Variants in SMG1 observed in about 807,000 individuals in gnomAD.
SMG1 encodes the protein serine/threonine-protein kinase SMG1.
In SMG1, 22 loss-of-function variants were observed where a neutral mutation model predicts 419.9. The observed-to-expected ratio is 0.05, with a 90% CI of 0.04 to 0.07. The LOEUF is 0.07. Among genes scored for constraint, SMG1 ranks in the 10% least tolerant of loss-of-function variants. SMG1 has a pLI of 1.00. For synonymous variants in SMG1, 1,538 were observed against 1,553.5 expected (o/e 0.99, Z 0.23); for missense variants, 3,185 against 4,342.0 (o/e 0.73, Z 7.49).
chr16:18,926,181 AG>A lies in SMG1; in HGVS notation c.-141del. 1 of 719,838 alleles carries A rather than the reference AG, an allele frequency of 1.4e-6. No homozygotes were observed. The highest frequency in any genetic ancestry group is 2.2e-6 in the Non-Finnish European group (1 of 462,694). 44.6% of individuals were successfully genotyped at this position (719,838 alleles called of 1,614,324 possible). A position where few individuals can be genotyped will look rare whatever the true frequency, so the allele number is the denominator to read the frequency against. ...AAGGAGGAGGAGGAGGAGGAGGAGGAGAAGGAGGAGGCGGCGGAGGGCGGGG... is the reference window on the plus strand; with the variant it reads ...AAGGAGGAGGAGGAGGAGGAGGAGGAAAGGAGGAGGCGGCGGAGGGCGGGG... On this transcript the variant is annotated 5_prime_UTR_variant, in exon 1 of 63. Transcript: ENST00000446231.
intron 36 of SMG1, 139 bp from the exon 37 acceptor site, chr16:18,848,172 A>G (rs2141358950): frequency 1.5e-6 from 1 of 681,210 alleles, no homozygotes; most frequent in Non-Finnish European, 2.5e-6. Flanking sequence ...AGAACTGATT[A>G]AAGATTGTGG....
intron 57 of SMG1, 85 bp from the exon 58 acceptor site, chr16:18,816,614 G>C: frequency 8.8e-7 from 1 of 1,134,056 alleles, no homozygotes; most frequent in South Asian, 1.5e-5. Context: ...AAAGATATTA[G>C]TAACTCAAGC....
chr16:18,830,238 A>C lies in SMG1; in HGVS notation c.8924T>G (p.Phe2975Cys). The C allele has an allele frequency of 6.2e-7, 1 of 1,613,960 alleles. No homozygotes were observed. The highest frequency in any genetic ancestry group is 8.5e-7 in the Non-Finnish European group (1 of 1,179,858). The change falls in exon 52 of 63, where the codon TTC becomes TGC. Residue 2975 changes from phenylalanine to cysteine, a missense_variant. Phe to Cys is a radical substitution (Grantham distance 205). Around this residue, in one of 27 missense-constraint regions of SMG1, gnomAD observed 737 missense variants for 846.6 expected, o/e 0.87. Coordinates refer to ENST00000446231, the MANE Select transcript of SMG1 (RefSeq NM_015092.5). ...DGMFAQVETA[F>C]SLLVEKLNKM... ...ATTTACCTTTTCAACTAATAAGCTGAAAGCAGTTTCAACTTGAGCAAACAT... is the reference window on the plus strand; with the variant it reads ...ATTTACCTTTTCAACTAATAAGCTGCAAGCAGTTTCAACTTGAGCAAACAT...
chr16:18,924,261 A>T (rs1321412278), intron 1 of SMG1, among the ~76,000 whole-genome samples: 1 of 152,184 alleles, frequency 6.6e-6, no homozygotes, highest in African/African-American at 2.4e-5. Context: ...TTCCATAACT[A>T]CATAAGCCAT....
Position 18,854,704 on chromosome 16 carries a change from A to C in SMG1, c.4435T>G (p.Trp1479Gly), listed in dbSNP as rs1456367200. 1.2e-6 allele frequency: 2 copies of C among 1,613,848 alleles called. No homozygotes were observed. Among genetic ancestry groups the C allele is most frequent in the Admixed American group, 3.3e-5 (2 of 59,982 alleles). Residue 1479 changes from tryptophan to glycine, a missense_variant, in exon 30 of 63, where the codon TGG (tryptophan) becomes GGG (glycine). Transcript: ENST00000446231. ...TTTTCAATATCAAGTTCGGGCCCCC[A>C]TTTTTCATCCACTTGACCTTGGGTT... ...LSTQGQVDEK[W>G]GPELDIEKTK...
At chr16:18,910,732 G>A (rs981733272) in intron 1 of SMG1, among the ~76,000 whole-genome samples, 5 of 151,994 alleles carry the variant, frequency 3.3e-5, no homozygotes, top group African/African-American at 7.2e-5. Context: ...TAGAAGATGC[G>A]TGTGGTTCTT....
At chr16:18,830,475 A>C (rs2033094157) in intron 51 of SMG1, 106 bp from the exon 52 acceptor site, 2 of 1,280,842 alleles carry the variant, frequency 1.6e-6, no homozygotes, top group African/African-American at 3.0e-5. Flanking sequence ...AGAGTCTAGA[A>C]AGCCTTCTGG....
At chr16:18,919,633 A>T (rs1441864572) in intron 1 of SMG1, among the ~76,000 whole-genome samples, 1 of 96,222 alleles carries the variant, frequency 1.0e-5, no homozygotes, top group Non-Finnish European at 2.4e-5. Flanking sequence ...CAAAAAAAAA[A>T]ATGTGTGTGT....
At position 18,827,063 on chromosome 16, in the gene SMG1, T is replaced by C. The variant is rs1396444220; in HGVS notation, c.9741+968A>G. Among the ~76,000 whole-genome samples the C allele has an allele frequency of 2.6e-5, 4 of 151,914 alleles. No individual in the cohort carries two copies. In the East Asian group the frequency reaches 5.8e-4, roughly 22 times the overall value. On this transcript the variant is annotated intron_variant, in intron 55 of 62. Transcript: ENST00000446231. ...CCCCTTTCTTTGACTCGGAGATATT[T>C]AGTATGTTTCTACTCCTGGTTCAAA... is the stretch of plus-strand genomic sequence containing the variant.
At chr16:18,883,238 G>A (rs1303707038) in intron 9 of SMG1, among the ~76,000 whole-genome samples, 1 of 152,226 alleles carries the variant, frequency 6.6e-6, no homozygotes, top group Non-Finnish European at 1.5e-5. Flanking sequence ...ACAGAGTTAA[G>A]CCACGACAGT....
intron 36 of SMG1, 148 bp downstream of exon 36, chr16:18,849,069 C>CAAA (rs58373081): frequency 1.8e-4 from 21 of 114,046 alleles, no homozygotes; most frequent in South Asian, 6.7e-4. Flanking sequence ...GACTCCATCT[C>CAAA]AAAAAAAAAA....
At chr16:18,880,721 A>AGGGGG (rs35134931) in intron 10 of SMG1, among the ~76,000 whole-genome samples, 6 of 63,932 alleles carry the variant, frequency 9.4e-5, no homozygotes, top group African/African-American at 3.2e-4. Context: ...CAAAAAAAAA[A>AGGGGG]GGGGGGGGGC....
intron 1 of SMG1, among the ~76,000 whole-genome samples, chr16:18,919,698 AC>A (rs1469687867): frequency 4.0e-5 from 5 of 124,244 alleles, no homozygotes; most frequent in South Asian, 2.8e-4. Flanking sequence ...ACACACACAC[AC>A]AATCTCCCTA....
At chr16:18,834,530 A>C in intron 49 of SMG1, 92 bp from the exon 50 acceptor site, 1 of 1,255,972 alleles carries the variant, frequency 8.0e-7, no homozygotes, top group Non-Finnish European at 1.1e-6. Context: ...TAATTCCAGC[A>C]TTTTGGGAGG....
chr16:18,845,467 G>C lies in SMG1; in HGVS notation c.6181C>G (p.Pro2061Ala), dbSNP rs376740385. The C allele has an allele frequency of 1.1e-5, 18 of 1,613,750 alleles. No individual in the cohort carries two copies. The highest frequency in any genetic ancestry group is 1.4e-5 in the Non-Finnish European group (17 of 1,179,876). Residue 2061 changes from proline to alanine, a missense_variant, in exon 39 of 63, where the codon CCT becomes GCT. Physicochemically the swap from Pro to Ala is conservative, Grantham distance 27 (BLOSUM62 -1). This residue lies in a region of SMG1 where 159 missense variants were observed against 196.0 expected (regional missense o/e 0.81). Coordinates refer to ENST00000446231, the MANE Select transcript of SMG1 (RefSeq NM_015092.5). ...ATCCAGCTGCTCCCAGGCTTTGCAG[G>C]GTTCAATGGAGTCTTCAGTTTTTCT... ...ALEKLKTPLN[P>A]AKPGSSWIPF...
At chr16:18,840,727 G>A (rs952433151) in intron 41 of SMG1, among the ~76,000 whole-genome samples, 1 of 152,182 alleles carries the variant, frequency 6.6e-6, no homozygotes, top group South Asian at 2.1e-4. Context: ...ATACATAAAA[G>A]AACCTGGGTT....
chr16:18,832,526 A>G (rs2033260820), intron 51 of SMG1, among the ~76,000 whole-genome samples: 2 of 152,142 alleles, frequency 1.3e-5, no homozygotes, highest in South Asian at 4.1e-4. Context: ...ATGTACATGT[A>G]CATAACTACA....
At position 18,852,074 on chromosome 16, in the gene SMG1, C is replaced by T. The variant is rs918448656; in HGVS notation, c.5045G>A (p.Gly1682Glu). Residue 1682 changes from glycine (G) to glutamate (E), a missense_variant, in exon 33 of 63, where the codon GGG becomes GAG. Gly to Glu is a moderately conservative substitution (Grantham distance 98). This residue lies in a region of SMG1 where 493 missense variants were observed against 552.9 expected (regional missense o/e 0.89). Transcript: ENST00000446231. ...GCACCATGTTTTCCTTGCCTGAATC[C>T]CCGCCGGCCGACACACAGCCTGTCC... ...ILGQAVCRPA[G>E]IQDEDITLQI... 1 of 1,604,780 alleles carries T rather than the reference C, an allele frequency of 6.2e-7. No homozygotes were observed. Among genetic ancestry groups the T allele is most frequent in the African/African-American group, 1.3e-5 (1 of 74,592 alleles).
At chr16:18,905,831 C>T (rs1352461295) in intron 1 of SMG1, among the ~76,000 whole-genome samples, 4 of 151,944 alleles carry the variant, frequency 2.6e-5, no homozygotes, top group Non-Finnish European at 5.9e-5. Flanking sequence ...AGGCTGGTCT[C>T]GAACTCCTGA....
Sources: gnomAD v4.1 joint callset for allele counts (sites outside exome capture counted in the v4.1 genomes callset) on GRCh38, gnomAD v4.1.1 for gene constraint, gnomAD v4.1.1 regional missense constraint, MANE v1.5 for transcripts, NCBI Gene and HGNC (gene_info 2026-07-23, HGNC 2026-07-21) for gene names.